PGM5: variants seen among roughly 807,000 people sequenced by gnomAD.
The protein encoded by PGM5 is phosphoglucomutase-like protein 5.
In PGM5, 23 loss-of-function variants were observed where a neutral mutation model predicts 59.2. The observed-to-expected ratio is 0.39, with a 90% CI of 0.28 to 0.55. The LOEUF is 0.55. PGM5 is among the 20% of genes least tolerant of loss of function. The pLI, the probability that PGM5 is intolerant of heterozygous loss-of-function variation, is 0.66. For missense variants in PGM5, 574 were observed against 748.3 expected, an observed-to-expected ratio of 0.77 and a Z score of 2.72; for synonymous variants, 214 against 286.0, an observed-to-expected ratio of 0.75 and a Z score of 2.54.
At chr9:68,466,382 C>T (rs1271643353) in intron 7 of PGM5, 2 of 239,164 alleles carry the variant, frequency 8.4e-6, no homozygotes, top group Non-Finnish European at 1.6e-5. Context: ...GATCATTTAA[C>T]ATATTAGACA....
intron 6 of PGM5, among the ~76,000 whole-genome samples, chr9:68,418,327 C>T (rs1823070447): frequency 6.6e-6 from 1 of 152,148 alleles, no homozygotes; most frequent in Non-Finnish European, 1.5e-5. Flanking sequence ...CATGGGGTTT[C>T]TGTCACCTCC....
At chr9:68,418,410 A>T (rs1318615096) in intron 6 of PGM5, among the ~76,000 whole-genome samples, 1 of 152,138 alleles carries the variant, frequency 6.6e-6, no homozygotes, top group Non-Finnish European at 1.5e-5. Flanking sequence ...CTTTACAGAC[A>T]AGTGGTATTA....
intron 1 of PGM5, chr9:68,357,673 C>T: frequency 2.0e-6 from 1 of 492,978 alleles, no homozygotes; most frequent in South Asian, 2.3e-5. Context: ...TCTTCTCCGA[C>T]TCTGCGCACA....
At chr9:68,404,057 T>G (rs1822742089) in intron 6 of PGM5, among the ~76,000 whole-genome samples, 1 of 152,222 alleles carries the variant, frequency 6.6e-6, no homozygotes, top group South Asian at 2.1e-4. Flanking sequence ...TTATTAGGCT[T>G]CGGCAGCTTT....
At chr9:68,428,294 A>T (rs1823271358) in intron 6 of PGM5, among the ~76,000 whole-genome samples, 1 of 152,208 alleles carries the variant, frequency 6.6e-6, no homozygotes, top group South Asian at 2.1e-4. Flanking sequence ...TGCGAGTTTC[A>T]AATGTCCCCA....
chr9:68,498,969 T>C, intron 9 of PGM5: 1 of 413,902 alleles, frequency 2.4e-6, no homozygotes, highest in Non-Finnish European at 4.4e-6. Context: ...CAAGAGAACT[T>C]GAGTATCTGT....
intron 10 of PGM5, among the ~76,000 whole-genome samples, chr9:68,524,677 C>T (rs925378071): frequency 2.6e-5 from 4 of 152,204 alleles, no homozygotes; most frequent in Non-Finnish European, 2.9e-5. Context: ...TACCCAACTC[C>T]TCATCTGATG....
In PGM5 at chr9:68,489,432, T is replaced by C. The variant is rs550838382; in HGVS notation, c.1479+5384T>C. Reference sequence around the variant, plus strand: ...GACTCATCCTAATCCTATGTTGTTGTTGTTGTTGTTGTTGTTTTCTTTTTT... The same window carrying C: ...GACTCATCCTAATCCTATGTTGTTGCTGTTGTTGTTGTTGTTTTCTTTTTT... On this transcript the variant is annotated intron_variant, in intron 9 of 10. Coordinates refer to ENST00000396396, the MANE Select transcript of PGM5 (RefSeq NM_021965.4). Among the ~76,000 whole-genome samples the C allele has an allele frequency of 8.0e-3, 1,221 of 151,918 alleles. 10 individuals are homozygous for C. The highest frequency in any genetic ancestry group is 0.028 in the African/African-American group (1,175 of 41,414).
chr9:68,499,386 C>A (rs1365300165), intron 10 of PGM5, 25 bp downstream of exon 10: 3 of 1,609,398 alleles, frequency 1.9e-6, no homozygotes, highest in Non-Finnish European at 1.7e-6. Flanking sequence ...GTGCTCCCAG[C>A]AGTGTGTCTC....
intron 6 of PGM5, among the ~76,000 whole-genome samples, chr9:68,447,661 G>A (rs981586440): frequency 1.3e-5 from 2 of 152,132 alleles, no homozygotes; most frequent in African/African-American, 4.8e-5. Flanking sequence ...TTTGGTGTTT[G>A]CAGCAAGTAT....
intron 7 of PGM5, among the ~76,000 whole-genome samples, chr9:68,469,212 C>T (rs1167301240): frequency 2.6e-5 from 4 of 152,220 alleles, no homozygotes; most frequent in Non-Finnish European, 4.4e-5. Context: ...ACCGCCATGC[C>T]GGCCACTATT....
intron 10 of PGM5, among the ~76,000 whole-genome samples, chr9:68,519,218 T>C (rs1824863141): frequency 6.6e-6 from 1 of 152,148 alleles, no homozygotes; most frequent in African/African-American, 2.4e-5. Flanking sequence ...TTATCCCAGA[T>C]AGATATTTGG....
intron 8 of PGM5, among the ~76,000 whole-genome samples, chr9:68,480,477 G>A (rs1242896445): frequency 2.0e-5 from 3 of 152,150 alleles, no homozygotes; most frequent in Admixed American, 2.0e-4. Context: ...GGCCGAGGCA[G>A]GCGGATCACC....
intron 1 of PGM5, among the ~76,000 whole-genome samples, chr9:68,376,348 C>G (rs1196486658): frequency 6.6e-6 from 1 of 152,002 alleles, no homozygotes; most frequent in Non-Finnish European, 1.5e-5. Flanking sequence ...CTAATATGTA[C>G]CTCACTAGTA....
chr9:68,511,867 C>T (rs983341414), intron 10 of PGM5, among the ~76,000 whole-genome samples: 1 of 152,120 alleles, frequency 6.6e-6, no homozygotes, highest in African/African-American at 2.4e-5. Context: ...TTTTCCCTCC[C>T]ATTAACATCT....
intron 6 of PGM5, among the ~76,000 whole-genome samples, chr9:68,438,286 CAAA>C (rs34047393): frequency 0.026 from 893 of 34,734 alleles, 1 homozygote; most frequent in African/African-American, 0.075. Context: ...GAGACTCTGT[CAAA>C]AAAAAAAAAA....
At position 68,357,040 on chromosome 9, in the gene PGM5, G is replaced by A. The variant is rs554808515; in HGVS notation, c.-88G>A. On this transcript the variant is annotated 5_prime_UTR_variant, in exon 1 of 11. Coordinates refer to ENST00000396396, the MANE Select transcript of PGM5 (RefSeq NM_021965.4). ...GGGCCCGGGCGCGAGGCGGAGTCCC[G>A]GCGCGCAGCCAGGCTGGTGGAGGCC... The A allele has an allele frequency of 9.9e-6, 13 of 1,316,102 alleles. No homozygotes were observed. The East Asian group carries it at 3.3e-4, about 34-fold the overall frequency. The allele number at this position is 1,316,102 out of a possible 1,614,324, so 81.5% of individuals were successfully genotyped here. A position where few individuals can be genotyped will look rare whatever the true frequency, so the allele number is the denominator to read the frequency against.
intron 10 of PGM5, among the ~76,000 whole-genome samples, chr9:68,527,059 A>G (rs1824989299): frequency 6.6e-6 from 1 of 152,182 alleles, no homozygotes; most frequent in South Asian, 2.1e-4. Flanking sequence ...GTGAGTCAGG[A>G]TGTTTTACTG....
At chr9:68,497,714 T>C (rs542957123) in intron 9 of PGM5, 1 of 152,238 alleles carries the variant, frequency 6.6e-6, no homozygotes, top group African/African-American at 2.4e-5. Flanking sequence ...CAATGTCTCC[T>C]GAGACATAGA....
Sources: allele counts gnomAD v4.1 joint callset (sites outside exome capture counted in the v4.1 genomes callset), GRCh38; gene constraint gnomAD v4.1.1; transcripts MANE v1.5; gene names NCBI Gene and HGNC (gene_info 2026-07-23, HGNC 2026-07-21).